The following DLG2 variants were observed in gnomAD, a reference collection of about 807,000 sequenced individuals.
The protein encoded by DLG2 is disks large homolog 2.
DLG2 carries 45 observed loss-of-function variants against 132.5 expected under a neutral mutation model. That is an observed-to-expected ratio of 0.34 (90% CI 0.27 to 0.44). DLG2 has a LOEUF of 0.44. DLG2 is among the 20% of genes least tolerant of loss of function. The pLI, the probability that DLG2 is intolerant of heterozygous loss-of-function variation, is 1.00. For missense variants in DLG2, 1,045 were observed against 1,196.9 expected, an observed-to-expected ratio of 0.87 and a Z score of 1.87; for synonymous variants, 424 against 419.6, an observed-to-expected ratio of 1.01 and a Z score of -0.13.
At chr11:84,085,692 T>C (rs1315320449) in intron 10 of DLG2, among the ~76,000 whole-genome samples, 1 of 152,212 alleles carries the variant, frequency 6.6e-6, no homozygotes, top group African/African-American at 2.4e-5. Flanking sequence ...GAAGTTTAGA[T>C]ATAAACCTAC....
chr11:84,169,230 C>T (rs1425082677), intron 8 of DLG2, among the ~76,000 whole-genome samples: 1 of 151,912 alleles, frequency 6.6e-6, no homozygotes, highest in Non-Finnish European at 1.5e-5. Context: ...AGCTAAAATC[C>T]CAAACAGTTT....
chr11:84,785,658 C>G (rs534610230), intron 6 of DLG2, among the ~76,000 whole-genome samples: 3 of 151,908 alleles, frequency 2.0e-5, no homozygotes, highest in African/African-American at 7.2e-5. Flanking sequence ...GTTTTCAAAA[C>G]AAAAAATAGG....
chr11:83,958,091 T>C (rs1565806644), intron 14 of DLG2, among the ~76,000 whole-genome samples: 1 of 152,214 alleles, frequency 6.6e-6, no homozygotes, highest in Non-Finnish European at 1.5e-5. Context: ...TTGTTCACCA[T>C]TGTGACTATG....
intron 7 of DLG2, among the ~76,000 whole-genome samples, chr11:84,427,809 A>G (rs1392549656): frequency 6.6e-6 from 1 of 152,138 alleles, no homozygotes; most frequent in Non-Finnish European, 1.5e-5. Context: ...CAGGAATACC[A>G]CGGACCTCAA....
At chr11:84,376,139 G>A (rs1463354084) in intron 7 of DLG2, among the ~76,000 whole-genome samples, 1 of 151,956 alleles carries the variant, frequency 6.6e-6, no homozygotes, top group Non-Finnish European at 1.5e-5. Context: ...TTCTTTGGCA[G>A]CTAAGAAATT....
intron 11 of DLG2, among the ~76,000 whole-genome samples, chr11:83,993,171 C>T (rs779652544): frequency 1.3e-5 from 2 of 151,982 alleles, no homozygotes; most frequent in Non-Finnish European, 2.9e-5. Flanking sequence ...ATTATATGAT[C>T]CTAGAAAGTA....
intron 6 of DLG2, among the ~76,000 whole-genome samples, chr11:84,733,734 A>C (rs4536252): frequency 6.6e-6 from 1 of 152,014 alleles, no homozygotes; most frequent in African/African-American, 2.4e-5. Context: ...CTGAATGGTA[A>C]TGCCTAGGTT....
At chr11:85,257,098 G>T (rs1425568870) in intron 4 of DLG2, among the ~76,000 whole-genome samples, 1 of 152,186 alleles carries the variant, frequency 6.6e-6, no homozygotes, top group African/African-American at 2.4e-5. Context: ...GCTAGATAAA[G>T]ATTGATGCAT....
At chr11:83,849,819 A>T (rs920468516) in intron 16 of DLG2, among the ~76,000 whole-genome samples, 1 of 151,504 alleles carries the variant, frequency 6.6e-6, no homozygotes, top group Non-Finnish European at 1.5e-5. Flanking sequence ...ATTTACCCAG[A>T]ATGCTAGTGC....
chr11:85,195,082 C>G (rs1179659480), intron 4 of DLG2, among the ~76,000 whole-genome samples: 1 of 152,160 alleles, frequency 6.6e-6, no homozygotes, highest in Non-Finnish European at 1.5e-5. Context: ...CCAGGAAGAA[C>G]AAGGGACAGC....
At chr11:84,241,176 G>A (rs2154343074) in intron 8 of DLG2, among the ~76,000 whole-genome samples, 1 of 152,250 alleles carries the variant, frequency 6.6e-6, no homozygotes, top group South Asian at 2.1e-4. Flanking sequence ...GCTTATTATT[G>A]TAGTTTCTTC....
intron 18 of DLG2, among the ~76,000 whole-genome samples, chr11:83,711,461 C>G (rs2085396535): frequency 1.3e-5 from 2 of 152,172 alleles, no homozygotes; most frequent in African/African-American, 4.8e-5. Context: ...GGACTGTCGT[C>G]ATAGGGCAGG....
intron 6 of DLG2, among the ~76,000 whole-genome samples, chr11:84,843,529 A>T (rs375735834): frequency 1.3e-5 from 2 of 152,010 alleles, no homozygotes; most frequent in East Asian, 1.9e-4. Flanking sequence ...ATAGGGAGAG[A>T]TATAAAAAGT....
In DLG2 at chr11:83,892,860, A is replaced by G. The variant is rs77698263; in HGVS notation, c.1497-18372T>C. ...GTATATGCAAGGAATTATGCCTGGT[A>G]TGACAAAGGAAAAAATAAAGCCTAA... On this transcript the variant is annotated intron_variant, in intron 15 of 27. Transcript: ENST00000376104. Among the ~76,000 whole-genome samples the G allele has an allele frequency of 5.7e-3, 870 of 152,290 alleles. 7 individuals are homozygous for G. Among genetic ancestry groups the G allele is most frequent in the African/African-American group, 0.02 (824 of 41,556 alleles).
chr11:85,520,609 G>T (rs1348796749), intron 3 of DLG2, among the ~76,000 whole-genome samples: 3 of 150,560 alleles, frequency 2.0e-5, no homozygotes, highest in Non-Finnish European at 3.0e-5. Flanking sequence ...TGACTTCAAG[G>T]TATACCACAG....
intron 6 of DLG2, among the ~76,000 whole-genome samples, chr11:84,843,285 A>G (rs560488394): frequency 6.9e-6 from 1 of 145,590 alleles, no homozygotes; most frequent in African/African-American, 2.6e-5. Flanking sequence ...CCTTAATAGT[A>G]CTGTTAAAAA....
At position 84,056,850 on chromosome 11, in the gene DLG2, G is replaced by A. The variant is rs145312640; in HGVS notation, c.919+2465C>T. On this transcript the variant is annotated intron_variant, in intron 11 of 27. Transcript: ENST00000376104. Reference sequence around the variant, plus strand: ...TCTCCATCAGTGACCTCTGGACAGCGACAGTAGAAAGAAGTATGACTGACT... The same window carrying A: ...TCTCCATCAGTGACCTCTGGACAGCAACAGTAGAAAGAAGTATGACTGACT... Among the ~76,000 whole-genome samples the A allele has an allele frequency of 4.6e-5, 7 of 152,212 alleles. 1 individual carries two copies. The highest frequency in any genetic ancestry group is 1.4e-4 in the African/African-American group (6 of 41,552).
intron 7 of DLG2, among the ~76,000 whole-genome samples, chr11:84,310,710 C>G (rs2098278032): frequency 6.6e-6 from 1 of 152,160 alleles, no homozygotes; most frequent in African/African-American, 2.4e-5. Flanking sequence ...CTTATTCTTC[C>G]TTGGTAAGGG....
At chr11:85,564,333 T>C (rs1362670351) in intron 3 of DLG2, among the ~76,000 whole-genome samples, 2 of 151,980 alleles carry the variant, frequency 1.3e-5, no homozygotes, top group Non-Finnish European at 2.9e-5. Flanking sequence ...GCTCATTCCA[T>C]GGTTGCAAGG....
Sources: allele counts gnomAD v4.1 joint callset (sites outside exome capture counted in the v4.1 genomes callset), GRCh38; gene constraint gnomAD v4.1.1; transcripts MANE v1.5; gene names NCBI Gene and HGNC (gene_info 2026-07-23, HGNC 2026-07-21).